ZMYM2: variants seen among roughly 807,000 people sequenced by gnomAD.
The protein encoded by ZMYM2 is zinc finger MYM-type protein 2.
A neutral mutation model predicts 162.8 loss-of-function variants in ZMYM2; 56 were observed. The ratio of observed to expected loss-of-function variants is 0.34; its 90% CI spans 0.28 to 0.43. The LOEUF (loss-of-function observed/expected upper bound fraction) is 0.43, where lower values mean the gene tolerates loss of function less well. ZMYM2 is among the 20% of genes least tolerant of loss of function. ZMYM2 has a pLI of 1.00. For synonymous variants in ZMYM2, 510 were observed against 541.6 expected (o/e 0.94, Z 0.81); for missense variants, 1,275 against 1,621.8 (o/e 0.79, Z 3.67).
At chr13:20,051,325 T>G in intron 12 of ZMYM2, 108 bp from the exon 13 acceptor site, 1 of 1,101,242 alleles carries the variant, frequency 9.1e-7, no homozygotes, top group Non-Finnish European at 1.3e-6. Flanking sequence ...AGTTCTACTT[T>G]TTCTGTATCA....
At chr13:19,875,625 G>A in the ZMYM2 span, among the ~76,000 whole-genome samples, 1 of 27,334 alleles carries the variant, frequency 3.7e-5, no homozygotes, top group Non-Finnish European at 6.6e-5. Context: ...AGACTCCATC[G>A]CAAAAAAAAA....
chr13:19,867,494 C>A, the ZMYM2 span, among the ~76,000 whole-genome samples: 1 of 152,022 alleles, frequency 6.6e-6, no homozygotes, highest in East Asian at 1.9e-4. Context: ...TTATCTTGGA[C>A]AAACCAGTGA....
chr13:20,005,065 A>AT lies in ZMYM2; in HGVS notation c.1134-4dup. The AT allele has an allele frequency of 6.3e-7, 1 of 1,588,406 alleles. No homozygotes were observed. The highest frequency in any genetic ancestry group is 8.5e-7 in the Non-Finnish European group (1 of 1,172,140). On this transcript the variant is annotated splice_polypyrimidine_tract_variant and intron_variant, in intron 4 of 24. Coordinates refer to ENST00000610343, the MANE Select transcript of ZMYM2 (RefSeq NM_197968.4). ...AATGGAATTTTAATATGTACCACTT[A>AT]TTTTTCAGAGATATAACTACAATGA...
At chr13:20,018,173 A>C (rs547967022) in intron 6 of ZMYM2, among the ~76,000 whole-genome samples, 7 of 152,128 alleles carry the variant, frequency 4.6e-5, no homozygotes, top group African/African-American at 1.4e-4. Context: ...TCCCCACATA[A>C]TCTCTACTGA....
chr13:19,983,141 C>CT (rs1307724349), intron 2 of ZMYM2, among the ~76,000 whole-genome samples: 1 of 146,518 alleles, frequency 6.8e-6, no homozygotes, highest in Non-Finnish European at 1.5e-5. Flanking sequence ...ATTTTCCCCA[C>CT]TTTCACTTTT....
intron 14 of ZMYM2, among the ~76,000 whole-genome samples, chr13:20,055,242 T>A (rs189387080): frequency 3.9e-5 from 6 of 152,218 alleles, no homozygotes. Flanking sequence ...GATTTCAAAT[T>A]TGCCTACCCA....
intron 21 of ZMYM2, among the ~76,000 whole-genome samples, chr13:20,070,666 A>G (rs770406353): frequency 3.7e-4 from 56 of 152,170 alleles, no homozygotes; most frequent in Non-Finnish European, 6.8e-4. Flanking sequence ...GCACACCACC[A>G]CGCCCGGCTA....
intron 21 of ZMYM2, among the ~76,000 whole-genome samples, chr13:20,073,453 G>A (rs555207241): frequency 1.4e-4 from 21 of 152,344 alleles, no homozygotes; most frequent in African/African-American, 5.0e-4. Flanking sequence ...AGACACTCAT[G>A]TAGCTAAAGG....
intron 3 of ZMYM2, among the ~76,000 whole-genome samples, chr13:19,998,904 C>T (rs985034247): frequency 2.6e-5 from 4 of 151,814 alleles, no homozygotes; most frequent in African/African-American, 7.3e-5. Context: ...GTTCAAAATA[C>T]GGAGAAACTA....
chr13:19,927,606 T>C, the ZMYM2 span, among the ~76,000 whole-genome samples: 8 of 152,230 alleles, frequency 5.3e-5, no homozygotes, highest in Non-Finnish European at 1.0e-4. Flanking sequence ...CTGCCTTGAA[T>C]ATTCTTGTAG....
In ZMYM2 at chr13:20,075,876, C is replaced by T. The variant is rs146146984; in HGVS notation, c.3454-6140C>T. 3.7e-3 allele frequency among the ~76,000 whole-genome samples: 565 copies of T among 151,410 alleles called. 2 individuals are homozygous for T. The highest frequency in any genetic ancestry group is 0.013 in the African/African-American group (533 of 41,270). On this transcript the variant is annotated intron_variant, in intron 21 of 24. Coordinates refer to ENST00000610343, the MANE Select transcript of ZMYM2 (RefSeq NM_197968.4). ...GTTGGGTTTTTTTTCCCCCCCATCC[C>T]GTAGAGACGAGGTTTCGCCATGTTG...
chr13:19,885,083 C>T, the ZMYM2 span, among the ~76,000 whole-genome samples: 6 of 152,120 alleles, frequency 3.9e-5, no homozygotes, highest in African/African-American at 4.8e-5. Context: ...TCTAGCTAGA[C>T]GGAAAAGTTC....
intron 21 of ZMYM2, among the ~76,000 whole-genome samples, chr13:20,069,878 T>C (rs1363732937): frequency 6.6e-6 from 1 of 152,008 alleles, no homozygotes; most frequent in East Asian, 1.9e-4. Context: ...TTATCACAAA[T>C]AAGGCAACTA....
At chr13:20,046,615 A>G (rs55704021) in intron 12 of ZMYM2, among the ~76,000 whole-genome samples, 6,654 of 95,302 alleles carry the variant, frequency 0.07, 221 homozygotes, top group East Asian at 0.16. Flanking sequence ...GTGTATATAT[A>G]TGTGTATATA....
chr13:19,992,072 G>A (rs940895809), intron 2 of ZMYM2, among the ~76,000 whole-genome samples: 2 of 152,098 alleles, frequency 1.3e-5, no homozygotes, highest in Admixed American at 1.3e-4. Flanking sequence ...TAGGTTCCAG[G>A]AATGGGGACC....
the ZMYM2 span, among the ~76,000 whole-genome samples, chr13:19,948,095 T>C: frequency 6.6e-6 from 1 of 151,858 alleles, no homozygotes; most frequent in East Asian, 1.9e-4. Flanking sequence ...TCCCAAATAC[T>C]GACAATACCA....
At chr13:19,870,543 CTTT>C in the ZMYM2 span, among the ~76,000 whole-genome samples, 2 of 93,164 alleles carry the variant, frequency 2.1e-5, no homozygotes, top group African/African-American at 4.4e-5. Context: ...CTTTCTCTTT[CTTT>C]CTTTCTTCCT....
At chr13:19,867,378 C>G in the ZMYM2 span, among the ~76,000 whole-genome samples, 1 of 148,884 alleles carries the variant, frequency 6.7e-6, no homozygotes, top group Non-Finnish European at 1.5e-5. Context: ...TGTTGTCTTA[C>G]AATATTCTTA....
intron 14 of ZMYM2, among the ~76,000 whole-genome samples, chr13:20,052,980 AT>A (rs1383833735): frequency 9.2e-5 from 14 of 151,952 alleles, no homozygotes; most frequent in Admixed American, 8.5e-4. Flanking sequence ...TGTGTCCTGG[AT>A]TTTTTTTCCT....
Sources: allele counts gnomAD v4.1 joint callset (sites outside exome capture counted in the v4.1 genomes callset), GRCh38; gene constraint gnomAD v4.1.1; transcripts MANE v1.5; gene names NCBI Gene and HGNC (gene_info 2026-07-23, HGNC 2026-07-21).